ADRA1A: variants seen among roughly 807,000 people sequenced by gnomAD.
ADRA1A encodes alpha-1A adrenergic receptor.
ADRA1A carries 31 observed loss-of-function variants against 29.6 expected under a neutral mutation model. That is an observed-to-expected ratio of 1.05 (90% CI 0.79 to 1.41). The LOEUF is 1.41. ADRA1A is among the 40% of genes most tolerant of loss of function. ADRA1A has a pLI of 0.00. For synonymous variants in ADRA1A, 311 were observed against 254.3 expected, an observed-to-expected ratio of 1.22 and a Z score of -2.12; for missense variants, 619 against 601.1, an observed-to-expected ratio of 1.03 and a Z score of -0.31.
At chr8:26,791,735 C>A (rs372335825) in intron 2 of ADRA1A, among the ~76,000 whole-genome samples, 2 of 152,124 alleles carry the variant, frequency 1.3e-5, no homozygotes, top group Non-Finnish European at 2.9e-5. Context: ...CCTAACAAAG[C>A]TTTTGTATTC....
chr8:26,784,581 G>A lies in ADRA1A; in HGVS notation c.884-13915C>T, dbSNP rs556231060. On this transcript the variant is annotated intron_variant, in intron 2 of 2. Coordinates refer to ENST00000380573, the MANE Select transcript of ADRA1A (RefSeq NM_000680.4). ...GAAGAAAAGAAAGCTGACACAGTTCGTCAAAATGAAAATAATGAGACTCAC... is the reference window on the plus strand; with the variant it reads ...GAAGAAAAGAAAGCTGACACAGTTCATCAAAATGAAAATAATGAGACTCAC... 1.2e-4 allele frequency among the ~76,000 whole-genome samples: 19 copies of A among 152,264 alleles called. No individual in the cohort carries two copies. In the South Asian group the frequency reaches 1.7e-3, roughly 13 times the overall value.
chr8:26,756,326 A>G (rs1805162645), downstream of ADRA1A: 1 of 702,098 alleles, frequency 1.4e-6, no homozygotes, highest in Non-Finnish European at 2.0e-6. Flanking sequence ...AGAATATTTT[A>G]ACCCATAAAA....
chr8:26,779,598 T>C (rs1806810502), intron 2 of ADRA1A, among the ~76,000 whole-genome samples: 1 of 151,830 alleles, frequency 6.6e-6, no homozygotes, highest in South Asian at 2.1e-4. Flanking sequence ...GGGCAGGCTT[T>C]GGAAGGAAGA....
intron 2 of ADRA1A, among the ~76,000 whole-genome samples, chr8:26,855,143 A>G (rs1812930978): frequency 6.6e-6 from 1 of 152,200 alleles, no homozygotes; most frequent in African/African-American, 2.4e-5. Flanking sequence ...AAGAGACTGA[A>G]TATGCAAAGA....
chr8:26,849,485 C>G (rs1469357529), intron 2 of ADRA1A, among the ~76,000 whole-genome samples: 3 of 152,180 alleles, frequency 2.0e-5, no homozygotes, highest in African/African-American at 7.2e-5. Flanking sequence ...GAGAAACAGC[C>G]TTTGCTGTGC....
At chr8:26,802,005 C>T (rs908587994) in intron 2 of ADRA1A, among the ~76,000 whole-genome samples, 2 of 152,140 alleles carry the variant, frequency 1.3e-5, no homozygotes, top group African/African-American at 4.8e-5. Flanking sequence ...CGAACACTCT[C>T]GTCAGTGAAT....
intron 2 of ADRA1A, among the ~76,000 whole-genome samples, chr8:26,851,226 A>G (rs1270242395): frequency 2.0e-5 from 3 of 152,202 alleles, no homozygotes; most frequent in African/African-American, 7.2e-5. Context: ...AGAGTGTGCT[A>G]AACTTCTCAC....
intron 2 of ADRA1A, among the ~76,000 whole-genome samples, chr8:26,830,819 A>G (rs938330513): frequency 7.2e-5 from 11 of 152,156 alleles, no homozygotes; most frequent in South Asian, 2.1e-4. Flanking sequence ...GGAATATTAA[A>G]ATTGTTTCTG....
At chr8:26,779,876 A>G (rs1328084033) in intron 2 of ADRA1A, among the ~76,000 whole-genome samples, 1 of 152,106 alleles carries the variant, frequency 6.6e-6, no homozygotes, top group Non-Finnish European at 1.5e-5. Context: ...ACACACCTCC[A>G]CATCTGAGGC....
At position 26,769,431 on chromosome 8, in the gene ADRA1A, A is replaced by G. The variant is rs898191973; in HGVS notation, c.*718T>C. ...CTATTGTTTTCTCTTGGGAAAAGCC[A>G]TACCACCCTGGTTGGTTCTTTCAAC... On this transcript the variant is annotated 3_prime_UTR_variant, in exon 3 of 3. Coordinates refer to ENST00000380573, the MANE Select transcript of ADRA1A (RefSeq NM_000680.4). The G allele has an allele frequency of 2.2e-5, 22 of 985,450 alleles. No homozygotes were observed. Among genetic ancestry groups the G allele is most frequent in the Non-Finnish European group, 2.4e-5 (20 of 829,940 alleles). 61.0% of individuals were successfully genotyped at this position (985,450 alleles called of 1,614,324 possible). A position where few individuals can be genotyped will look rare whatever the true frequency, so the allele number is the denominator to read the frequency against.
In ADRA1A at chr8:26,815,269, T is replaced by C. The variant is rs1213664733; in HGVS notation, c.884-44603A>G. On this transcript the variant is annotated intron_variant, in intron 2 of 2. Transcript: ENST00000380573. This position sits in a 1 kb window ranked among gnomAD's most constrained non-coding sequence, Gnocchi z 4.2. ...CTGGAAATAGGGCATTCTAGAATAC[T>C]GAAAACTATTTTGCCAGAGAACACC... 6.6e-6 allele frequency among the ~76,000 whole-genome samples: 1 copy of C among 152,186 alleles called. No individual in the cohort carries two copies. Among genetic ancestry groups the C allele is most frequent in the Non-Finnish European group, 1.5e-5 (1 of 68,022 alleles).
chr8:26,795,423 AT>A (rs1234617171), intron 2 of ADRA1A, among the ~76,000 whole-genome samples: 1 of 152,166 alleles, frequency 6.6e-6, no homozygotes, highest in Non-Finnish European at 1.5e-5. Context: ...CTGCCTTATT[AT>A]TTTGAAAACT....
At position 26,864,606 on chromosome 8, in the gene ADRA1A, T is replaced by C. The variant is rs781583369; in HGVS notation, c.364A>G (p.Ile122Val). Residue 122 changes from isoleucine to valine, a missense_variant, in exon 2 of 3, where the codon ATC (isoleucine) becomes GTC (valine). Physicochemically the swap from Ile to Val is conservative, Grantham distance 29. Transcript: ENST00000380573. This position sits in a 1 kb window ranked among gnomAD's most constrained non-coding sequence, Gnocchi z 8.1. ...TAGCTCACGCCGATGTAGCGGTCGA[T>C]GGAGATGATGCAGAGGCCCATGATG... is the stretch of plus-strand genomic sequence containing the variant. ...ASIMGLCIIS[I>V]DRYIGVSYPL... is the part of the protein sequence containing the mutation. 1 of 1,614,028 alleles carries C rather than the reference T, an allele frequency of 6.2e-7. No individual in the cohort carries two copies. Among genetic ancestry groups the C allele is most frequent in the East Asian group, 2.2e-5 (1 of 44,862 alleles).
chr8:26,784,813 G>C (rs1807256598), intron 2 of ADRA1A, among the ~76,000 whole-genome samples: 1 of 152,134 alleles, frequency 6.6e-6, no homozygotes, highest in Non-Finnish European at 1.5e-5. Context: ...CAGGAGGCTA[G>C]CATATTGGTT....
In ADRA1A at chr8:26,825,424, G is replaced by A. The variant is rs1021586418; in HGVS notation, c.883+38663C>T. Among the ~76,000 whole-genome samples the A allele has an allele frequency of 2.0e-5, 3 of 152,084 alleles. No individual in the cohort carries two copies. The highest frequency in any genetic ancestry group is 2.9e-5 in the Non-Finnish European group (2 of 68,004). On this transcript the variant is annotated intron_variant, in intron 2 of 2. Transcript: ENST00000380573. This position sits in a 1 kb window ranked among gnomAD's most constrained non-coding sequence, Gnocchi z 5.7. ...GTAGGGAGGAAGATGGAGTTTCTTT[G>A]TTTTCTAATTCCGCCCTACTTCGTT...
At chr8:26,765,780 C>G, downstream of ADRA1A, 1 of 1,206,402 alleles carries the variant, frequency 8.3e-7, no homozygotes, top group Non-Finnish European at 1.0e-6. Flanking sequence ...TCTTTTTTGG[C>G]CAAAGGACCT....
chr8:26,756,814 T>G (rs978714486), intron 2 of ADRA1A: 3 of 1,603,088 alleles, frequency 1.9e-6, no homozygotes, highest in Non-Finnish European at 2.6e-6. Flanking sequence ...ATTTAATTAA[T>G]CATGCATTTT....
chr8:26,851,612 A>T (rs1812636537), intron 2 of ADRA1A, among the ~76,000 whole-genome samples: 3 of 152,198 alleles, frequency 2.0e-5, no homozygotes, highest in Non-Finnish European at 1.5e-5. Flanking sequence ...AATGTGAATA[A>T]AAATAGATTA....
chr8:26,768,651 T>C (rs1285135855), downstream of ADRA1A, among the ~76,000 whole-genome samples: 1 of 152,192 alleles, frequency 6.6e-6, no homozygotes, highest in African/African-American at 2.4e-5. Context: ...GCTATGCATA[T>C]GAGGTGTATA....
Sources: allele counts gnomAD v4.1 joint callset (sites outside exome capture counted in the v4.1 genomes callset), GRCh38; gene constraint gnomAD v4.1.1; non-coding constraint Gnocchi (gnomAD v3.1); transcripts MANE v1.5; gene names NCBI Gene and HGNC (gene_info 2026-07-23, HGNC 2026-07-21).